LRPPRC: variants seen among roughly 807,000 people sequenced by gnomAD.
The protein encoded by LRPPRC is leucine-rich PPR motif-containing protein, mitochondrial.
In LRPPRC, 120 loss-of-function variants were observed where a neutral mutation model predicts 180.3. That is an observed-to-expected ratio of 0.67 (90% CI 0.57 to 0.77). The LOEUF (loss-of-function observed/expected upper bound fraction) is 0.77, where lower values mean the gene tolerates loss of function less well. Among genes scored for constraint, LRPPRC ranks in the 30% least tolerant of loss-of-function variants. The pLI is 0.00. For missense variants in LRPPRC, 2,012 were observed against 1,657.2 expected, an observed-to-expected ratio of 1.21 and a Z score of -3.72; for synonymous variants, 723 against 600.0, an observed-to-expected ratio of 1.21 and a Z score of -3.00.
intron 29 of LRPPRC, 26 bp from the exon 30 acceptor site, chr2:43,912,584 A>G (rs768351267): frequency 1.3e-6 from 2 of 1,593,098 alleles, no homozygotes; most frequent in Non-Finnish European, 1.7e-6. Flanking sequence ...GACAAAAAAA[A>G]TGAGATGACA....
At chr2:43,929,029 G>T (rs529874692) in intron 25 of LRPPRC, among the ~76,000 whole-genome samples, 1 of 152,268 alleles carries the variant, frequency 6.6e-6, no homozygotes, top group South Asian at 2.1e-4. Flanking sequence ...ACAAGAAAAT[G>T]TTAAGGAAAT....
chr2:43,916,949 G>GAAAAA (rs528660807), intron 29 of LRPPRC, among the ~76,000 whole-genome samples: 1 of 115,800 alleles, frequency 8.6e-6, no homozygotes, highest in Non-Finnish European at 1.7e-5. Flanking sequence ...GTCTCCGGGG[G>GAAAAA]GAAAAAAAAA....
At chr2:43,944,975 G>T (rs1361105823) in intron 22 of LRPPRC, among the ~76,000 whole-genome samples, 1 of 152,074 alleles carries the variant, frequency 6.6e-6, no homozygotes, top group South Asian at 2.1e-4. Flanking sequence ...ACGTTTATAG[G>T]TTTTACGTTC....
intron 14 of LRPPRC, among the ~76,000 whole-genome samples, chr2:43,950,932 T>C (rs1359415400): frequency 2.0e-5 from 3 of 151,726 alleles, no homozygotes; most frequent in Non-Finnish European, 4.4e-5. Context: ...TAGCCGGGAG[T>C]GTTGGTGTAT....
At chr2:43,939,886 AAAC>A (rs1672417993) in intron 23 of LRPPRC, among the ~76,000 whole-genome samples, 1 of 152,198 alleles carries the variant, frequency 6.6e-6, no homozygotes, top group African/African-American at 2.4e-5. Context: ...AGTCGGTGTT[AAAC>A]AACTGAATGA....
chr2:43,901,568 G>A (rs1203796975), intron 31 of LRPPRC, 44 bp from the exon 32 acceptor site: 1 of 1,287,716 alleles, frequency 7.8e-7, no homozygotes, highest in East Asian at 2.3e-5. Flanking sequence ...TATGACCTGT[G>A]CTGACTTTAA....
chr2:43,955,563 TC>T (rs1454651150), intron 14 of LRPPRC, among the ~76,000 whole-genome samples: 1 of 151,348 alleles, frequency 6.6e-6, no homozygotes, highest in Non-Finnish European at 1.5e-5. Flanking sequence ...CATAGTGAGA[TC>T]CCGTCTCTAC....
At chr2:43,920,304 T>G (rs556362284) in intron 27 of LRPPRC, among the ~76,000 whole-genome samples, 52 of 152,062 alleles carry the variant, frequency 3.4e-4, no homozygotes, top group Non-Finnish European at 5.3e-4. Context: ...CCCCACTAAT[T>G]TTTGTATTTT....
At position 43,896,705 on chromosome 2, in the gene LRPPRC, A is replaced by ATCTC. The variant is rs1276588910; in HGVS notation, c.3826-1_3828dup (p.Cys1277GlufsTer7). 1 of 1,591,778 alleles carries ATCTC rather than the reference A, an allele frequency of 6.3e-7. No homozygotes were observed. Among genetic ancestry groups the ATCTC allele is most frequent in the South Asian group, 1.1e-5 (1 of 90,574 alleles). ...GGGGTTTGTTCAGCAATTGCACCAC[A>ATCTC]TCTCTAAAAATTAAAACATTATTCA... On this transcript the variant is annotated frameshift_variant, in exon 35 of 38. Transcript: ENST00000260665. LOFTEE classifies it high-confidence loss of function.
At chr2:43,953,251 A>G (rs1672974646) in intron 14 of LRPPRC, among the ~76,000 whole-genome samples, 2 of 152,236 alleles carry the variant, frequency 1.3e-5, no homozygotes, top group Non-Finnish European at 2.9e-5. Flanking sequence ...AGTAGAAGAA[A>G]GAAATCACCT....
intron 12 of LRPPRC, among the ~76,000 whole-genome samples, chr2:43,962,766 T>G (rs17496638): frequency 6.6e-6 from 1 of 152,130 alleles, no homozygotes; most frequent in African/African-American, 2.4e-5. Flanking sequence ...TATATACTAT[T>G]AGTGCATTTA....
chr2:43,979,624 GTAATACTTGT>G (rs1674215007), intron 3 of LRPPRC, among the ~76,000 whole-genome samples, 192 bp downstream of exon 3: 1 of 152,052 alleles, frequency 6.6e-6, no homozygotes, highest in Admixed American at 6.6e-5. Flanking sequence ...GTACTTGTAA[GTAATACTTGT>G]TATGAAAAAT....
chr2:43,984,466 A>C (rs1440763880), intron 1 of LRPPRC, among the ~76,000 whole-genome samples: 1 of 152,230 alleles, frequency 6.6e-6, no homozygotes, highest in Non-Finnish European at 1.5e-5. Context: ...TCTCATATAC[A>C]TGTCTTTACT....
At chr2:43,965,609 T>A (rs1673520814) in intron 11 of LRPPRC, among the ~76,000 whole-genome samples, 1 of 152,168 alleles carries the variant, frequency 6.6e-6, no homozygotes, top group Admixed American at 6.5e-5. Context: ...GCAAACCACG[T>A]ATCTGATAAG....
chr2:43,967,392 G>C lies in LRPPRC; in HGVS notation c.1370-3686C>G, dbSNP rs548588227. On this transcript the variant is annotated intron_variant, in intron 11 of 37. Coordinates refer to ENST00000260665, the MANE Select transcript of LRPPRC (RefSeq NM_133259.4). ...TTGTTTATCATATAGATAGATGATC[G>C]ATTGATAGAAAGACAGATATAGATT... Among the ~76,000 whole-genome samples the C allele has an allele frequency of 5.2e-5, 4 of 76,740 alleles. No homozygotes were observed. In the South Asian group the frequency reaches 1.1e-3, roughly 22 times the overall value. The allele number at this position is 76,740 out of a possible 152,430, so 50.3% of individuals were successfully genotyped here.
At chr2:43,958,167 T>C (rs11886849) in intron 13 of LRPPRC, among the ~76,000 whole-genome samples, 31,128 of 152,130 alleles carry the variant, frequency 0.2, 3,926 homozygotes, top group African/African-American at 0.35. Context: ...CTTGCCAAAC[T>C]AGCAAGGGAT....
In LRPPRC at chr2:43,973,899, G is replaced by A; in HGVS notation, c.1157C>T (p.Pro386Leu). The A allele has an allele frequency of 1.3e-6, 2 of 1,589,902 alleles. No homozygotes were observed. The highest frequency in any genetic ancestry group is 2.2e-5 in the South Asian group (2 of 90,570). ...FLQHCVTMNT[P>L]VEKLTDYCKK... is the part of the protein sequence containing the mutation. Reference sequence around the variant, plus strand: ...ACAGTAGTCTGTTAGCTTCTCCACAGGCTGTGGGAAAAAAGTCACCACATT... The same window carrying A: ...ACAGTAGTCTGTTAGCTTCTCCACAAGCTGTGGGAAAAAAGTCACCACATT... The change falls in exon 10 of 38, where the codon CCT becomes CTT. Residue 386 changes from proline to leucine, a missense_variant and splice_region_variant. Coordinates refer to ENST00000260665, the MANE Select transcript of LRPPRC (RefSeq NM_133259.4).
intron 25 of LRPPRC, among the ~76,000 whole-genome samples, chr2:43,928,914 G>C (rs1252331458): frequency 6.6e-6 from 1 of 152,094 alleles, no homozygotes; most frequent in Non-Finnish European, 1.5e-5. Context: ...ACTACTAATA[G>C]CCTACTGTTG....
chr2:43,953,174 TCC>T (rs1445637094), intron 14 of LRPPRC, among the ~76,000 whole-genome samples: 1 of 152,136 alleles, frequency 6.6e-6, no homozygotes, highest in African/African-American at 2.4e-5. Flanking sequence ...ATTCATCCCT[TCC>T]CCAACCTTGG....
Sources: gnomAD v4.1 joint callset for allele counts (sites outside exome capture counted in the v4.1 genomes callset) on GRCh38, gnomAD v4.1.1 for gene constraint, MANE v1.5 for transcripts, NCBI Gene and HGNC (gene_info 2026-07-23, HGNC 2026-07-21) for gene names.